CFAP20DC: variants seen among roughly 807,000 people sequenced by gnomAD.
CFAP20DC encodes the protein protein CFAP20DC.
A neutral mutation model predicts 101.7 loss-of-function variants in CFAP20DC; 84 were observed. That is an observed-to-expected ratio of 0.83 (90% confidence interval 0.69 to 0.99). The LOEUF is 0.99. CFAP20DC is among the 50% of genes least tolerant of loss of function. CFAP20DC has a pLI of 0.00. For synonymous variants in CFAP20DC, 359 were observed against 351.2 expected, an observed-to-expected ratio of 1.02 and a Z score of -0.25; for missense variants, 1,007 against 970.3, an observed-to-expected ratio of 1.04 and a Z score of -0.50.
At chr3:58,763,366 T>C (rs774006205) in intron 15 of CFAP20DC, among the ~76,000 whole-genome samples, 11 of 152,342 alleles carry the variant, frequency 7.2e-5, no homozygotes, top group Non-Finnish European at 1.2e-4. Flanking sequence ...ACGTAGTTCT[T>C]GTGCCTTGGT....
At chr3:58,895,740 G>A (rs765134938) in intron 6 of CFAP20DC, among the ~76,000 whole-genome samples, 11 of 152,100 alleles carry the variant, frequency 7.2e-5, no homozygotes, top group African/African-American at 1.9e-4. Context: ...AGACATACCC[G>A]AGACTGGGCA....
At chr3:58,922,969 T>C (rs1415763901) in intron 5 of CFAP20DC, among the ~76,000 whole-genome samples, 1 of 152,216 alleles carries the variant, frequency 6.6e-6, no homozygotes, top group Non-Finnish European at 1.5e-5. Flanking sequence ...CATTGTCATA[T>C]ATTTTACTTC....
chr3:58,948,008 GTA>G (rs1414544136), intron 4 of CFAP20DC, among the ~76,000 whole-genome samples: 1 of 152,180 alleles, frequency 6.6e-6, no homozygotes, highest in African/African-American at 2.4e-5. Flanking sequence ...TAACTCCCCA[GTA>G]TTTCCAAGTT....
intron 14 of CFAP20DC, among the ~76,000 whole-genome samples, chr3:58,813,491 G>A (rs1396166513): frequency 1.3e-5 from 2 of 152,010 alleles, no homozygotes; most frequent in South Asian, 2.1e-4. Context: ...AACCCAGTGG[G>A]GTTGGTGTTA....
chr3:58,903,299 G>C (rs1264285131), intron 6 of CFAP20DC, among the ~76,000 whole-genome samples: 1 of 152,072 alleles, frequency 6.6e-6, no homozygotes, highest in Non-Finnish European at 1.5e-5. Context: ...TTTAGGTCAA[G>C]GAAACATTTT....
intron 5 of CFAP20DC, among the ~76,000 whole-genome samples, chr3:58,934,107 A>T (rs1253974681): frequency 1.3e-5 from 2 of 152,268 alleles, no homozygotes; most frequent in Non-Finnish European, 2.9e-5. Flanking sequence ...TCGATCCCAC[A>T]GAAATACAAA....
intron 15 of CFAP20DC, among the ~76,000 whole-genome samples, chr3:58,775,375 T>C (rs2071229566): frequency 6.6e-6 from 1 of 152,170 alleles, no homozygotes; most frequent in Admixed American, 6.5e-5. Context: ...CTGAGAAGTT[T>C]TCAGCTTGAA....
intron 15 of CFAP20DC, among the ~76,000 whole-genome samples, chr3:58,758,769 T>G (rs2069216257): frequency 6.6e-6 from 1 of 152,084 alleles, no homozygotes; most frequent in Non-Finnish European, 1.5e-5. Flanking sequence ...TTCCCACCTA[T>G]GAGGGAGAAC....
chr3:58,907,635 T>C (rs988208964), intron 6 of CFAP20DC, among the ~76,000 whole-genome samples: 1 of 152,210 alleles, frequency 6.6e-6, no homozygotes, highest in Non-Finnish European at 1.5e-5. Flanking sequence ...AGCAATGTAC[T>C]GTGTGGGAAC....
At chr3:58,749,127 G>C (rs1216153107) in intron 16 of CFAP20DC, among the ~76,000 whole-genome samples, 1 of 152,132 alleles carries the variant, frequency 6.6e-6, no homozygotes, top group East Asian at 1.9e-4. Flanking sequence ...CAAAAGAATA[G>C]ATCAAATCAT....
chr3:58,966,330 T>A (rs910010159), intron 4 of CFAP20DC, among the ~76,000 whole-genome samples: 1 of 152,268 alleles, frequency 6.6e-6, no homozygotes, highest in Non-Finnish European at 1.5e-5. Flanking sequence ...ACCCTGTAAT[T>A]CCACTCCCTC....
intron 4 of CFAP20DC, among the ~76,000 whole-genome samples, chr3:58,962,696 G>A (rs1033922629): frequency 1.3e-5 from 2 of 152,084 alleles, no homozygotes; most frequent in African/African-American, 4.8e-5. Flanking sequence ...CAAAGCTCAG[G>A]CCGTGAACGA....
intron 5 of CFAP20DC, among the ~76,000 whole-genome samples, chr3:58,928,233 T>G (rs550924171): frequency 6.6e-6 from 1 of 152,266 alleles, no homozygotes; most frequent in South Asian, 2.1e-4. Context: ...GTAAATAGAT[T>G]GTTAAAGTGC....
At chr3:58,934,398 A>G (rs371761703) in intron 5 of CFAP20DC, among the ~76,000 whole-genome samples, 3 of 152,190 alleles carry the variant, frequency 2.0e-5, no homozygotes, top group South Asian at 2.1e-4. Context: ...TAGAAAAAGA[A>G]GGAATCCTCC....
rs75913122 is a variant in CFAP20DC at position 58,884,821 on chromosome 3, C to T, written c.551-112G>A. The T allele has an allele frequency of 2.7e-4, 235 of 874,156 alleles. No homozygotes were observed. The East Asian group carries it at 5.6e-3, about 21-fold the overall frequency. The allele number at this position is 874,156 out of a possible 1,614,324, so 54.1% of individuals were successfully genotyped here. A position where few individuals can be genotyped will look rare whatever the true frequency, so the allele number is the denominator to read the frequency against. On this transcript the variant is annotated intron_variant, in intron 6 of 16. Coordinates refer to ENST00000482387, the MANE Select transcript of CFAP20DC (RefSeq NM_001394063.1). Reference sequence around the variant, plus strand: ...AAAGATTTTAGCGTATGACTTTGTACGAGTTATTCAACCTTTCAGCCCTGA... The same window carrying T: ...AAAGATTTTAGCGTATGACTTTGTATGAGTTATTCAACCTTTCAGCCCTGA...
At chr3:58,825,108 G>A (rs1277006273) in intron 14 of CFAP20DC, among the ~76,000 whole-genome samples, 9 of 152,062 alleles carry the variant, frequency 5.9e-5, no homozygotes, top group Admixed American at 5.9e-4. Context: ...TAATGAAGGA[G>A]TTTATTTGGA....
intron 15 of CFAP20DC, among the ~76,000 whole-genome samples, chr3:58,779,900 G>T (rs1018304055): frequency 6.6e-6 from 1 of 151,982 alleles, no homozygotes; most frequent in African/African-American, 2.4e-5. Context: ...CTTCTCCCTG[G>T]CACAGTATAG....
intron 5 of CFAP20DC, among the ~76,000 whole-genome samples, chr3:58,934,750 T>C (rs974325750): frequency 2.0e-5 from 3 of 152,142 alleles, no homozygotes; most frequent in African/African-American, 7.2e-5. Flanking sequence ...TCTCAATAAA[T>C]TAGGTATTGA....
At chr3:58,922,072 T>C (rs145789104) in intron 5 of CFAP20DC, among the ~76,000 whole-genome samples, 3 of 152,316 alleles carry the variant, frequency 2.0e-5, no homozygotes, top group East Asian at 1.9e-4. Flanking sequence ...TTTTTATTTG[T>C]AACCTGTGTC....
Sources: gnomAD v4.1 joint callset for allele counts (sites outside exome capture counted in the v4.1 genomes callset) on GRCh38, gnomAD v4.1.1 for gene constraint, MANE v1.5 for transcripts, NCBI Gene and HGNC (gene_info 2026-07-23, HGNC 2026-07-21) for gene names.